TESPA1: variants seen among roughly 807,000 people sequenced by gnomAD.
TESPA1 encodes the protein protein TESPA1.
A neutral mutation model predicts 57.9 loss-of-function variants in TESPA1; 33 were observed. The observed-to-expected ratio is 0.57, with a 90% CI of 0.43 to 0.76. The LOEUF is 0.76. Ranked by LOEUF, TESPA1 falls within the 30% of genes least tolerant of loss-of-function variation. TESPA1 has a pLI of 0.00. For synonymous variants in TESPA1, 227 were observed against 228.9 expected (o/e 0.99, Z 0.07); for missense variants, 618 against 632.9 (o/e 0.98, Z 0.25).
Position 54,967,197 on chromosome 12 carries a change from G to A in TESPA1, c.296C>T (p.Thr99Ile). Residue 99 changes from threonine (T) to isoleucine (I), a missense_variant, in exon 5 of 11, where the codon ACC becomes ATC. Thr to Ile is a moderately conservative substitution (Grantham distance 89). Transcript: ENST00000449076. ...SHGTSFEDDLTLGAEATLLAA... is the reference protein window; with the variant it reads ...SHGTSFEDDLILGAEATLLAA... ...GTGCCACTTACCCTCCGCTCCCAGG[G>A]TCAAGTCATCTTCAAAGCTGGTCCC... 6.2e-7 allele frequency: 1 copy of A among 1,612,724 alleles called. No individual in the cohort carries two copies.
chr12:54,969,021 G>GTGTGTGTATATATATATATA lies in TESPA1; in HGVS notation c.207-1130_207-1129insTATATATATATATACACACA, dbSNP rs370590552. Among the ~76,000 whole-genome samples the GTGTGTGTATATATATATATA allele has an allele frequency of 2.5e-3, 207 of 83,614 alleles. 1 individual carries two copies. Among genetic ancestry groups the GTGTGTGTATATATATATATA allele is most frequent in the African/African-American group, 8.5e-3 (187 of 21,916 alleles). The allele number at this position is 83,614 out of a possible 152,430, so 54.9% of individuals were successfully genotyped here. A position where few individuals can be genotyped will look rare whatever the true frequency, so the allele number is the denominator to read the frequency against. On this transcript the variant is annotated intron_variant, in intron 3 of 10. Coordinates refer to ENST00000449076, the MANE Select transcript of TESPA1 (RefSeq NM_001136030.3). ...AATAAGTCACTACATATTTATATATGTATATATATATATATATATATATAT... is the reference window on the plus strand; with the variant it reads ...AATAAGTCACTACATATTTATATATGTGTGTGTATATATATATATATATATATATATATATATATATATAT...
Position 54,950,241 on chromosome 12 carries a change from C to T in TESPA1, c.*151G>A, listed in dbSNP as rs1368387203. The T allele has an allele frequency of 2.0e-5, 9 of 456,356 alleles. No individual in the cohort carries two copies. The East Asian group carries it at 4.2e-4, about 21-fold the overall frequency. The allele number at this position is 456,356 out of a possible 1,614,324, so 28.3% of individuals were successfully genotyped here. On this transcript the variant is annotated 3_prime_UTR_variant, in exon 11 of 11. Coordinates refer to ENST00000449076, the MANE Select transcript of TESPA1 (RefSeq NM_001136030.3). ...GTCTTCCTCCCCATGTACCATGCTGCCTTTCTCCTGCAGAGTTTGGGGGTT... is the reference window on the plus strand; with the variant it reads ...GTCTTCCTCCCCATGTACCATGCTGTCTTTCTCCTGCAGAGTTTGGGGGTT...
Position 54,948,375 on chromosome 12 carries a change from C to A in TESPA1, c.*2017G>T, listed in dbSNP as rs1040750556. On this transcript the variant is annotated 3_prime_UTR_variant, in exon 11 of 11. Coordinates refer to ENST00000449076, the MANE Select transcript of TESPA1 (RefSeq NM_001136030.3). ...GGCTCAGAGGCCTGACAGTTTGGATCTGTGTCCTCACCCAAATCTCATGTC... is the reference window on the plus strand; with the variant it reads ...GGCTCAGAGGCCTGACAGTTTGGATATGTGTCCTCACCCAAATCTCATGTC... 1.2e-5 allele frequency: 2 copies of A among 173,584 alleles called. No homozygotes were observed. The highest frequency in any genetic ancestry group is 1.9e-4 in the South Asian group (1 of 5,204). 10.8% of individuals were successfully genotyped at this position (173,584 alleles called of 1,614,324 possible).
chr12:54,967,745 C>G, intron 4 of TESPA1, 98 bp downstream of exon 4: 1 of 1,398,416 alleles, frequency 7.2e-7, no homozygotes, highest in Non-Finnish European at 9.9e-7. Flanking sequence ...TTTTGCATGC[C>G]TATGCATGTA....
In TESPA1 at chr12:54,949,689, C is replaced by A. The variant is rs1482113651; in HGVS notation, c.*703G>T. 6.6e-6 allele frequency: 1 copy of A among 152,502 alleles called. No individual in the cohort carries two copies. Among genetic ancestry groups the A allele is most frequent in the South Asian group, 2.1e-4 (1 of 4,826 alleles). 9.4% of individuals were successfully genotyped at this position (152,502 alleles called of 1,614,324 possible). A position where few individuals can be genotyped will look rare whatever the true frequency, so the allele number is the denominator to read the frequency against. On this transcript the variant is annotated 3_prime_UTR_variant, in exon 11 of 11. Coordinates refer to ENST00000449076, the MANE Select transcript of TESPA1 (RefSeq NM_001136030.3). ...ACAGAAATAGCATTTTTTCCCCCCACAATGGCTAGGAGAAGAGACTCTGAA... is the reference window on the plus strand; with the variant it reads ...ACAGAAATAGCATTTTTTCCCCCCAAAATGGCTAGGAGAAGAGACTCTGAA...
At chr12:54,950,641 TA>T (rs1204387524) in intron 10 of TESPA1, among the ~76,000 whole-genome samples, 5 of 152,254 alleles carry the variant, frequency 3.3e-5, no homozygotes, top group South Asian at 2.1e-4. Flanking sequence ...TTTATACCTT[TA>T]TTTTTTTGTA....
At position 54,950,188 on chromosome 12, in the gene TESPA1, G is replaced by A; in HGVS notation, c.*204C>T. 1 of 448,412 alleles carries A rather than the reference G, an allele frequency of 2.2e-6. No individual in the cohort carries two copies. The highest frequency in any genetic ancestry group is 1.6e-5 in the South Asian group (1 of 63,520). The allele number at this position is 448,412 out of a possible 1,614,324, so 27.8% of individuals were successfully genotyped here. A position where few individuals can be genotyped will look rare whatever the true frequency, so the allele number is the denominator to read the frequency against. ...GTGCATGCAGCTTGTGGCAGCATTA[G>A]GATGTGGATTCCAAATCGCTCAGTC... On this transcript the variant is annotated 3_prime_UTR_variant, in exon 11 of 11. Transcript: ENST00000449076.
rs200318206 is a variant in TESPA1 at position 54,973,965 on chromosome 12, AG to A, written c.163+434del. Reference sequence around the variant, plus strand: ...AAAGAAGCTCTGAGAAGTGTAGGAAAGGTACTACTACTTCAATTGGACAAAT... The same window carrying A: ...AAAGAAGCTCTGAGAAGTGTAGGAAAGTACTACTACTTCAATTGGACAAAT... On this transcript the variant is annotated intron_variant, in intron 2 of 10. Transcript: ENST00000449076. 29 of 937,924 alleles carry A rather than the reference AG, an allele frequency of 3.1e-5. No individual in the cohort carries two copies. The East Asian group carries it at 2.7e-3, about 89-fold the overall frequency. 58.1% of individuals were successfully genotyped at this position (937,924 alleles called of 1,614,324 possible). A position where few individuals can be genotyped will look rare whatever the true frequency, so the allele number is the denominator to read the frequency against.
At chr12:54,977,558 AT>A (rs1952179946) in intron 1 of TESPA1, among the ~76,000 whole-genome samples, 1 of 152,226 alleles carries the variant, frequency 6.6e-6, no homozygotes, top group Admixed American at 6.5e-5. Context: ...CTTAATGTTA[AT>A]TCTTAAAGGA....
chr12:54,974,022 G>A, intron 2 of TESPA1: 1 of 543,596 alleles, frequency 1.8e-6, no homozygotes, highest in Non-Finnish European at 2.4e-6. Context: ...ACTTCCCAAA[G>A]GCCACACAGC....
rs774796385 is a variant in TESPA1, at chr12:54,966,432, A to G, written c.311-8T>C. The G allele has an allele frequency of 1.4e-5, 22 of 1,612,476 alleles. No individual in the cohort carries two copies. In the South Asian group the frequency reaches 2.2e-4, roughly 16 times the overall value. On this transcript the variant is annotated splice_region_variant and splice_polypyrimidine_tract_variant and intron_variant, in intron 5 of 10. Coordinates refer to ENST00000449076, the MANE Select transcript of TESPA1 (RefSeq NM_001136030.3). Reference sequence around the variant, plus strand: ...TGGCGGCCAGTAGTGTGGCTGGACAAGAAACAGAGAAGCAAAGAGCAAATT... The same window carrying G: ...TGGCGGCCAGTAGTGTGGCTGGACAGGAAACAGAGAAGCAAAGAGCAAATT...
rs61733026 is a variant in TESPA1, at chr12:54,962,906, T to C, written c.992A>G (p.Gln331Arg). ...DKVKEEKQFLQQDSDLGQFSQ... is the reference protein window; with the variant it reads ...DKVKEEKQFLRQDSDLGQFSQ... ...GAATTGCCCCAAATCAGAGTCTTGC[T>C]GGAGGAACTGCTTCTCTTCTTTCAC... is the stretch of plus-strand genomic sequence containing the variant. The change falls in exon 9 of 11, where the codon CAG becomes CGG. Residue 331 changes from glutamine (Q) to arginine (R), a missense_variant. Gln to Arg is a conservative substitution (Grantham distance 43). Around this residue, in one of 3 missense-constraint regions of TESPA1, gnomAD observed 409 missense variants for 420.1 expected, o/e 0.97. Transcript: ENST00000449076. 4,016 of 1,613,840 alleles carry C rather than the reference T, an allele frequency of 2.5e-3. 101 individuals are homozygous for C. The African/African-American group carries it at 0.047, about 19-fold the overall frequency.
At chr12:54,968,617 G>T (rs1337956332) in intron 3 of TESPA1, among the ~76,000 whole-genome samples, 1 of 152,100 alleles carries the variant, frequency 6.6e-6, no homozygotes, top group African/African-American at 2.4e-5. Flanking sequence ...GGCTCATTGT[G>T]GCTGTTTTGT....
intron 7 of TESPA1, among the ~76,000 whole-genome samples, chr12:54,965,530 C>A (rs1021154737): frequency 1.3e-5 from 2 of 152,166 alleles, no homozygotes; most frequent in East Asian, 3.8e-4. Context: ...CGAACGCGTT[C>A]CTTTTAATGG....
chr12:54,976,176 C>A (rs1565171), intron 1 of TESPA1, among the ~76,000 whole-genome samples: 51,063 of 152,024 alleles, frequency 0.34, 10,847 homozygotes, highest in East Asian at 0.89. Context: ...TCCATTAAAT[C>A]GTGATGTTTG....
intron 10 of TESPA1, among the ~76,000 whole-genome samples, chr12:54,954,525 C>CCAA (rs1220202742): frequency 1.3e-5 from 2 of 152,094 alleles, no homozygotes; most frequent in Non-Finnish European, 2.9e-5. Context: ...TCCAAGGCTG[C>CCAA]CAAGGCACAC....
intron 10 of TESPA1, among the ~76,000 whole-genome samples, chr12:54,955,358 G>T (rs1420488525): frequency 6.6e-6 from 1 of 152,240 alleles, no homozygotes; most frequent in Non-Finnish European, 1.5e-5. Flanking sequence ...TAATTATCAA[G>T]GAGGGTAGCA....
In TESPA1 at chr12:54,982,595, C is replaced by T. The variant is rs1039258443; in HGVS notation, c.-46+1990G>A. The stretch of plus-strand genomic sequence containing the variant: ...GTGGATTTGGAAAAAAAATTAATCG[C>T]TTGTTCTCAATGTAGGGAGACATCA... On this transcript the variant is annotated intron_variant, in intron 1 of 10. Transcript: ENST00000449076. 4.6e-5 allele frequency among the ~76,000 whole-genome samples: 7 copies of T among 152,282 alleles called. No individual in the cohort carries two copies. The South Asian group carries it at 8.3e-4, about 18-fold the overall frequency.
At chr12:54,967,529 G>T (rs1303919048) in intron 4 of TESPA1, among the ~76,000 whole-genome samples, 1 of 151,810 alleles carries the variant, frequency 6.6e-6, no homozygotes, top group Non-Finnish European at 1.5e-5. Flanking sequence ...AACATATGGG[G>T]ATGTGCACTC....
Sources: gnomAD v4.1 joint callset for allele counts (sites outside exome capture counted in the v4.1 genomes callset) on GRCh38, gnomAD v4.1.1 for gene constraint, gnomAD v4.1.1 regional missense constraint, MANE v1.5 for transcripts, NCBI Gene and HGNC (gene_info 2026-07-23, HGNC 2026-07-21) for gene names.